The following TENM3 variants were observed in gnomAD, a reference collection of about 807,000 sequenced individuals.
TENM3 encodes teneurin-3.
A neutral mutation model predicts 255.1 loss-of-function variants in TENM3; 63 were observed. That is an observed-to-expected ratio of 0.25 (90% CI 0.20 to 0.30). The LOEUF (loss-of-function observed/expected upper bound fraction) is 0.30. TENM3 is among the 10% of genes least tolerant of loss of function. The pLI, the probability that TENM3 is intolerant of heterozygous loss-of-function variation, is 1.00. For synonymous variants in TENM3, 1,306 were observed against 1,322.3 expected, an observed-to-expected ratio of 0.99 and a Z score of 0.27; for missense variants, 2,929 against 3,461.1, an observed-to-expected ratio of 0.85 and a Z score of 3.86.
At chr4:181,457,705 G>T in the TENM3 span, among the ~76,000 whole-genome samples, 2 of 123,802 alleles carry the variant, frequency 1.6e-5, no homozygotes, top group Non-Finnish European at 3.5e-5. Context: ...AAGAAGTCAG[G>T]TAGTCAATTA....
At chr4:181,598,649 T>C in the TENM3 span, among the ~76,000 whole-genome samples, 1 of 151,248 alleles carries the variant, frequency 6.6e-6, no homozygotes, top group African/African-American at 2.4e-5. Context: ...AAAAGCCCAA[T>C]GTTTAACATA....
the TENM3 span, among the ~76,000 whole-genome samples, chr4:181,855,969 AG>A: frequency 7.0e-6 from 1 of 142,408 alleles, no homozygotes; most frequent in Non-Finnish European, 1.5e-5. Flanking sequence ...AAAAGGAGGA[AG>A]GAAAAGAGGG....
the TENM3 span, among the ~76,000 whole-genome samples, chr4:181,451,733 T>C: frequency 6.6e-6 from 1 of 152,190 alleles, no homozygotes; most frequent in Admixed American, 6.5e-5. Context: ...TCCTTGTTTT[T>C]ATGTTCAGTT....
chr4:182,135,999 A>C, the TENM3 span, among the ~76,000 whole-genome samples: 1 of 152,240 alleles, frequency 6.6e-6, no homozygotes, highest in African/African-American at 2.4e-5. Flanking sequence ...TTTAATGCTT[A>C]ATCACATTAA....
chr4:182,382,389 C>A (rs1178440029), intron 3 of TENM3, among the ~76,000 whole-genome samples: 3 of 151,390 alleles, frequency 2.0e-5, no homozygotes, highest in Admixed American at 2.0e-4. Context: ...TCAAGTTATA[C>A]CCAGGCATTT....
chr4:182,750,714 G>A (rs1579339615), intron 19 of TENM3, among the ~76,000 whole-genome samples: 1 of 152,110 alleles, frequency 6.6e-6, no homozygotes, highest in Admixed American at 6.5e-5. Context: ...GTGTGTTCGT[G>A]GCTGTATGTG....
chr4:182,142,901 C>G (rs1291050707), upstream of TENM3: 1 of 166,958 alleles, frequency 6.0e-6, no homozygotes, highest in African/African-American at 2.4e-5. Flanking sequence ...AGCCAGAGAG[C>G]GGTTCGGCTC....
upstream of TENM3, chr4:182,143,486 C>G (rs1749626995): frequency 6.0e-6 from 1 of 166,960 alleles, no homozygotes; most frequent in Admixed American, 6.5e-5. The surrounding 1 kb of genome is among the most constrained non-coding windows in gnomAD (Gnocchi z 4.3). Context: ...AATCCGTCTT[C>G]CCGGCAGTGT....
intron 1 of TENM3, among the ~76,000 whole-genome samples, chr4:182,155,203 A>G (rs1341737856): frequency 2.6e-5 from 4 of 152,128 alleles, no homozygotes; most frequent in South Asian, 2.1e-4. Flanking sequence ...TGGGGAATTA[A>G]TTTTCCTTAA....
chr4:182,235,858 T>A (rs1756869189), intron 1 of TENM3, among the ~76,000 whole-genome samples: 1 of 152,224 alleles, frequency 6.6e-6, no homozygotes, highest in African/African-American at 2.4e-5. Context: ...ACCTACCATG[T>A]GTAAGCACTG....
chr4:181,664,865 T>C, the TENM3 span, among the ~76,000 whole-genome samples: 1 of 152,220 alleles, frequency 6.6e-6, no homozygotes, highest in Non-Finnish European at 1.5e-5. Context: ...AGTGCTGCTT[T>C]ACCCCCATGC....
At chr4:182,307,381 G>C (rs537097868) in intron 1 of TENM3, among the ~76,000 whole-genome samples, 1 of 152,210 alleles carries the variant, frequency 6.6e-6, no homozygotes, top group Non-Finnish European at 1.5e-5. Context: ...AATTATATGA[G>C]CACAAAGAAC....
the TENM3 span, among the ~76,000 whole-genome samples, chr4:181,876,149 AC>A: frequency 6.6e-6 from 1 of 152,226 alleles, no homozygotes; most frequent in Non-Finnish European, 1.5e-5. Context: ...ATGCAGACTG[AC>A]AACTTGAATG....
At chr4:181,968,432 C>T in the TENM3 span, among the ~76,000 whole-genome samples, 2 of 152,102 alleles carry the variant, frequency 1.3e-5, no homozygotes, top group South Asian at 2.1e-4. Context: ...GAGGGGACCT[C>T]GGGGTTAGGA....
chr4:182,220,257 A>C (rs1755765892), intron 1 of TENM3, among the ~76,000 whole-genome samples: 1 of 151,848 alleles, frequency 6.6e-6, no homozygotes, highest in Admixed American at 6.6e-5. Context: ...GGAGCCTGTA[A>C]TCCCAGCTCC....
chr4:181,568,055 A>G, the TENM3 span, among the ~76,000 whole-genome samples: 1 of 152,168 alleles, frequency 6.6e-6, no homozygotes, highest in Admixed American at 6.5e-5. Context: ...GAGTTAAGGA[A>G]TGATCAAGCA....
chr4:181,486,013 G>A, the TENM3 span, among the ~76,000 whole-genome samples: 5 of 131,420 alleles, frequency 3.8e-5, no homozygotes, highest in Non-Finnish European at 8.4e-5. Context: ...TCAAAAACTT[G>A]AGAGAAAAAA....
chr4:182,213,870 C>T (rs899302278), intron 1 of TENM3, among the ~76,000 whole-genome samples: 6 of 152,068 alleles, frequency 3.9e-5, no homozygotes, highest in South Asian at 2.1e-4. Flanking sequence ...GGCGCGATCT[C>T]GGCTCACTGC....
At chr4:182,516,514 T>C (rs1737963706) in intron 3 of TENM3, among the ~76,000 whole-genome samples, 1 of 152,154 alleles carries the variant, frequency 6.6e-6, no homozygotes, top group Non-Finnish European at 1.5e-5. Context: ...TAGGGTTCTT[T>C]TTCAAAGTTA....
Sources: gnomAD v4.1 joint callset for allele counts (sites outside exome capture counted in the v4.1 genomes callset) on GRCh38, gnomAD v4.1.1 for gene constraint, Gnocchi (gnomAD v3.1) non-coding constraint, MANE v1.5 for transcripts, NCBI Gene and HGNC (gene_info 2026-07-23, HGNC 2026-07-21) for gene names.